UQCRC2: variants seen among roughly 807,000 people sequenced by gnomAD.
The protein encoded by UQCRC2 is cytochrome b-c1 complex subunit 2, mitochondrial.
A neutral mutation model predicts 55.6 loss-of-function variants in UQCRC2; 49 were observed. That is an observed-to-expected ratio of 0.88 (90% CI 0.70 to 1.12). UQCRC2 has a LOEUF of 1.12. Among genes scored for constraint, UQCRC2 ranks in the 50% most tolerant of loss-of-function variants. The pLI, the probability that UQCRC2 is intolerant of heterozygous loss-of-function variation, is 0.00. For synonymous variants in UQCRC2, 193 were observed against 192.0 expected, an observed-to-expected ratio of 1.01 and a Z score of -0.04; for missense variants, 506 against 547.8, an observed-to-expected ratio of 0.92 and a Z score of 0.76.
chr16:21,972,163 G>A (rs1207821051), intron 10 of UQCRC2, 41 bp downstream of exon 10: 2 of 1,574,612 alleles, frequency 1.3e-6, no homozygotes, highest in Admixed American at 1.9e-5. Flanking sequence ...TGCTTTCAAA[G>A]GCTCAGTATT....
intron 6 of UQCRC2, among the ~76,000 whole-genome samples, chr16:21,965,064 T>C (rs1338115923): frequency 6.7e-6 from 1 of 149,800 alleles, no homozygotes; most frequent in Admixed American, 6.7e-5. Context: ...CAAGGTCACA[T>C]GGCAAGATGG....
chr16:21,983,455 T>C lies in UQCRC2; in HGVS notation c.*284T>C, dbSNP rs1898786790. The C allele has an allele frequency of 5.0e-6, 2 of 399,024 alleles. No homozygotes were observed. The highest frequency in any genetic ancestry group is 7.3e-5 in the East Asian group (2 of 27,338). The allele number at this position is 399,024 out of a possible 1,614,324, so 24.7% of individuals were successfully genotyped here. A position where few individuals can be genotyped will look rare whatever the true frequency, so the allele number is the denominator to read the frequency against. On this transcript the variant is annotated 3_prime_UTR_variant, in exon 14 of 14. Coordinates refer to ENST00000268379, the MANE Select transcript of UQCRC2 (RefSeq NM_003366.4). ...GAGACAGGAATATAATTATTGAGTA[T>C]AGAAGCATCAGAAACTATTAAAATT...
In UQCRC2 at chr16:21,953,370, C is replaced by G; in HGVS notation, c.-54C>G. 6.2e-7 allele frequency: 1 copy of G among 1,602,572 alleles called. No homozygotes were observed. Among genetic ancestry groups the G allele is most frequent in the Non-Finnish European group, 8.5e-7 (1 of 1,174,546 alleles). ...CTGGGAAACTCCCGGCCTCCGCCAC[C>G]ATCTTGCTTTCCTTTAATCCGGCAG... On this transcript the variant is annotated 5_prime_UTR_variant, in exon 1 of 14. Transcript: ENST00000268379.
At position 21,953,432 on chromosome 16, in the gene UQCRC2, A is replaced by G. The variant is rs112974762; in HGVS notation, c.9A>G (p.Leu3=). The change falls in exon 1 of 14, where the codon CTA becomes CTG. Residue 3 remains leucine, a synonymous_variant. Transcript: ENST00000268379. MK[L]LTRAGSFSRF... ...CAGAACAATCTTGAATCATGAAGCT[A>G]CTAACCAGAGCCGGCTCTTTCTCGG... 4.7e-5 allele frequency: 76 copies of G among 1,612,126 alleles called. No homozygotes were observed. The African/African-American group carries it at 8.3e-4, about 18-fold the overall frequency.
intron 7 of UQCRC2, among the ~76,000 whole-genome samples, chr16:21,966,174 G>A (rs2141935712): frequency 6.6e-6 from 1 of 151,918 alleles, no homozygotes; most frequent in African/African-American, 2.4e-5. Context: ...ATATATATGT[G>A]TGTGTGTATA....
chr16:21,967,384 C>T (rs184463490), intron 7 of UQCRC2, among the ~76,000 whole-genome samples: 165 of 152,068 alleles, frequency 1.1e-3, no homozygotes, highest in African/African-American at 3.6e-3. Flanking sequence ...CTTTTAATAC[C>T]ACAGATAGAG....
At chr16:21,971,372 A>C (rs745982419) in intron 8 of UQCRC2, among the ~76,000 whole-genome samples, 153 bp from the exon 9 acceptor site, 42 of 152,244 alleles carry the variant, frequency 2.8e-4, no homozygotes, top group Non-Finnish European at 5.3e-4. Context: ...GTAATTGGGT[A>C]TCTCTGGGAG....
intron 1 of UQCRC2, among the ~76,000 whole-genome samples, chr16:21,954,667 T>C (rs1050556363): frequency 5.3e-5 from 8 of 152,220 alleles, no homozygotes; most frequent in African/African-American, 1.9e-4. Flanking sequence ...AACTTAGATA[T>C]ATCTTGTTAT....
chr16:21,975,568 A>G (rs1411554449), intron 11 of UQCRC2, among the ~76,000 whole-genome samples: 4 of 152,214 alleles, frequency 2.6e-5, no homozygotes, highest in Non-Finnish European at 5.9e-5. Flanking sequence ...TTTACCAAGT[A>G]CCCACATCCC....
At position 21,962,457 on chromosome 16, in the gene UQCRC2, C is replaced by T. The variant is rs1898226623; in HGVS notation, c.333-3C>T. 3.1e-6 allele frequency: 5 copies of T among 1,613,982 alleles called. No individual in the cohort carries two copies. ...ATTTACTCTAGTTTATTTTCCGATT[C>T]AGTGTGACCGCAACAAGGGAAAACA... On this transcript the variant is annotated splice_polypyrimidine_tract_variant and splice_region_variant and intron_variant, in intron 4 of 13. Coordinates refer to ENST00000268379, the MANE Select transcript of UQCRC2 (RefSeq NM_003366.4).
intron 13 of UQCRC2, among the ~76,000 whole-genome samples, chr16:21,981,243 A>G (rs1898719836): frequency 6.6e-6 from 1 of 151,946 alleles, no homozygotes; most frequent in African/African-American, 2.4e-5. Context: ...ATTGTTCCCT[A>G]CAATATTGAG....
At chr16:21,962,546 G>T (rs1426499840) in intron 5 of UQCRC2, 30 bp downstream of exon 5, 3 of 1,613,800 alleles carry the variant, frequency 1.9e-6, no homozygotes, top group Non-Finnish European at 2.5e-6. Context: ...TAGGACTTCT[G>T]CTTTGAAAGA....
intron 10 of UQCRC2, among the ~76,000 whole-genome samples, chr16:21,972,969 G>A (rs547464873): frequency 3.9e-5 from 6 of 152,214 alleles, no homozygotes; most frequent in Admixed American, 6.5e-5. Context: ...GCGTGGTGGC[G>A]CACGCCTGTA....
At chr16:21,958,815 A>C (rs1465491675) in intron 4 of UQCRC2, among the ~76,000 whole-genome samples, 2 of 152,332 alleles carry the variant, frequency 1.3e-5, no homozygotes, top group Admixed American at 1.3e-4. Flanking sequence ...ATATATAGGC[A>C]TACCTCAGAG....
chr16:21,972,164 G>C (rs199860734), intron 10 of UQCRC2, 42 bp downstream of exon 10: 15 of 1,571,964 alleles, frequency 9.5e-6, no homozygotes, highest in South Asian at 9.2e-5. Context: ...GCTTTCAAAG[G>C]CTCAGTATTT....
chr16:21,962,558 A>G (rs1184919162), intron 5 of UQCRC2, 42 bp downstream of exon 5: 1 of 1,612,284 alleles, frequency 6.2e-7, no homozygotes, highest in Admixed American at 1.7e-5. Flanking sequence ...TTTGAAAGAA[A>G]TACTAAGCTG....
intron 1 of UQCRC2, 61 bp from the exon 2 acceptor site, chr16:21,957,174 G>A (rs1305672546): frequency 6.5e-7 from 1 of 1,548,622 alleles, no homozygotes; most frequent in Non-Finnish European, 8.8e-7. Flanking sequence ...AAGATACCAT[G>A]CTTTTATATA....
chr16:21,966,999 A>G (rs974123877), intron 7 of UQCRC2, among the ~76,000 whole-genome samples: 1 of 152,252 alleles, frequency 6.6e-6, no homozygotes, highest in Non-Finnish European at 1.5e-5. Context: ...ATTAGGACAT[A>G]CCAAAAGGTC....
chr16:21,975,737 A>G (rs1380072990), intron 11 of UQCRC2, among the ~76,000 whole-genome samples: 1 of 152,202 alleles, frequency 6.6e-6, no homozygotes, highest in East Asian at 1.9e-4. Context: ...TATTAATGGC[A>G]TGACACTGCA....
Sources: allele counts gnomAD v4.1 joint callset (sites outside exome capture counted in the v4.1 genomes callset), GRCh38; gene constraint gnomAD v4.1.1; transcripts MANE v1.5; gene names NCBI Gene and HGNC (gene_info 2026-07-23, HGNC 2026-07-21).